Variants in NDUFS4 observed in about 807,000 individuals in gnomAD.
NDUFS4 encodes the protein NADH:ubiquinone oxidoreductase subunit S4.
A neutral mutation model predicts 24.3 loss-of-function variants in NDUFS4; 28 were observed. The observed-to-expected ratio is 1.15, with a 90% CI of 0.85 to 1.58. NDUFS4 has a LOEUF of 1.58. Among genes scored for constraint, NDUFS4 ranks in the 40% most tolerant of loss-of-function variants. The probability of loss-of-function intolerance (pLI) is 0.00; values close to 1 mark genes in which losing one functional copy is unlikely to be tolerated. For missense variants in NDUFS4, 223 were observed against 207.9 expected, an observed-to-expected ratio of 1.07 and a Z score of -0.45; for synonymous variants, 93 against 69.7, an observed-to-expected ratio of 1.34 and a Z score of -1.67.
intron 1 of NDUFS4, among the ~76,000 whole-genome samples, chr5:53,570,550 AGT>A (rs1372379265): frequency 6.6e-6 from 1 of 152,098 alleles, no homozygotes; most frequent in Non-Finnish European, 1.5e-5. Flanking sequence ...GTCATAGCTA[AGT>A]GTATGTTTAA....
intron 3 of NDUFS4, among the ~76,000 whole-genome samples, chr5:53,648,576 T>C (rs1751927395): frequency 6.6e-6 from 1 of 152,212 alleles, no homozygotes; most frequent in South Asian, 2.1e-4. Flanking sequence ...TGGTGGTGCC[T>C]GCATCTGTAA....
Position 53,634,152 on chromosome 5 carries a change from CAT to C in NDUFS4, c.178-12079_178-12078del, listed in dbSNP as rs57699946. Among the ~76,000 whole-genome samples the C allele has an allele frequency of 7.3e-3, 1,108 of 152,288 alleles. 13 individuals carry two copies. Among genetic ancestry groups the C allele is most frequent in the African/African-American group, 0.025 (1,057 of 41,558 alleles). ...AACAACAGAAAGGAAACTTCTGTTG[CAT>C]AGTTTTTTATTCTTATGCTAAATTG... On this transcript the variant is annotated intron_variant, in intron 2 of 4. Transcript: ENST00000296684.
intron 3 of NDUFS4, among the ~76,000 whole-genome samples, chr5:53,657,854 G>A (rs1752208532): frequency 6.6e-6 from 1 of 151,792 alleles, no homozygotes; most frequent in Admixed American, 6.6e-5. Context: ...GAACCTGGGA[G>A]GCAGAGGTTG....
At chr5:53,572,307 T>A (rs549494746) in intron 1 of NDUFS4, among the ~76,000 whole-genome samples, 205 of 152,132 alleles carry the variant, frequency 1.3e-3, no homozygotes, top group Non-Finnish European at 1.9e-3. Context: ...TAGGGAAGGT[T>A]AGATAATCCT....
intron 2 of NDUFS4, among the ~76,000 whole-genome samples, chr5:53,640,145 G>A (rs1172803439): frequency 6.6e-6 from 1 of 151,992 alleles, no homozygotes; most frequent in Non-Finnish European, 1.5e-5. Flanking sequence ...TCCCTTGAGA[G>A]TAGGGGTACT....
At chr5:53,669,237 G>C (rs1177363603) in intron 4 of NDUFS4, among the ~76,000 whole-genome samples, 1 of 152,048 alleles carries the variant, frequency 6.6e-6, no homozygotes, top group East Asian at 1.9e-4. Flanking sequence ...ACATCTTCAA[G>C]AGTCTGTGTT....
intron 4 of NDUFS4, among the ~76,000 whole-genome samples, chr5:53,681,506 T>G (rs1378642197): frequency 6.6e-6 from 1 of 152,124 alleles, no homozygotes; most frequent in Non-Finnish European, 1.5e-5. Context: ...TTTAGTAAAT[T>G]TTTTGAAATG....
At chr5:53,585,109 A>G (rs557057362) in intron 1 of NDUFS4, among the ~76,000 whole-genome samples, 1 of 152,164 alleles carries the variant, frequency 6.6e-6, no homozygotes, top group Non-Finnish European at 1.5e-5. Context: ...TTTTAAAATT[A>G]TGGGATATTA....
Position 53,662,699 on chromosome 5 carries a change from C to G in NDUFS4, c.424+4075C>G, listed in dbSNP as rs542607553. Among the ~76,000 whole-genome samples, 5 of 152,240 alleles carry G rather than the reference C, an allele frequency of 3.3e-5. No homozygotes were observed. In the South Asian group the frequency reaches 1.0e-3, roughly 32 times the overall value. ...CCTGTTATTGGTCTATTTAGAGATT[C>G]AGCTTCTTCCTGGTTTAGCCTTGGG... On this transcript the variant is annotated intron_variant, in intron 4 of 4. Coordinates refer to ENST00000296684, the MANE Select transcript of NDUFS4 (RefSeq NM_002495.4).
intron 2 of NDUFS4, among the ~76,000 whole-genome samples, chr5:53,635,142 A>G (rs1337394244): frequency 2.6e-5 from 4 of 152,040 alleles, no homozygotes; most frequent in Non-Finnish European, 5.9e-5. Flanking sequence ...GTGAGCTGAG[A>G]TCACGCCATT....
intron 4 of NDUFS4, among the ~76,000 whole-genome samples, chr5:53,674,761 T>TGTAA (rs1740401247): frequency 6.6e-6 from 1 of 152,216 alleles, no homozygotes; most frequent in African/African-American, 2.4e-5. Flanking sequence ...TTTGGTTAAT[T>TGTAA]GTAAGTTTAC....
At chr5:53,599,437 C>T (rs74448797) in intron 1 of NDUFS4, among the ~76,000 whole-genome samples, 9,310 of 152,158 alleles carry the variant, frequency 0.061, 382 homozygotes, top group Non-Finnish European at 0.088. Context: ...TTTTTATATA[C>T]TAAAATGTTG....
At chr5:53,622,397 G>C (rs1238418612) in intron 2 of NDUFS4, among the ~76,000 whole-genome samples, 2 of 152,178 alleles carry the variant, frequency 1.3e-5, no homozygotes, top group South Asian at 2.1e-4. Context: ...TTTCTGTTGA[G>C]GGCTGTCTTC....
chr5:53,616,922 A>G (rs962838640), intron 2 of NDUFS4, among the ~76,000 whole-genome samples: 2 of 152,168 alleles, frequency 1.3e-5, no homozygotes, highest in African/African-American at 4.8e-5. Context: ...CGATATAACA[A>G]TTTGGTGATT....
At chr5:53,601,421 AACTTT>A (rs1327207886) in intron 1 of NDUFS4, among the ~76,000 whole-genome samples, 8 of 152,212 alleles carry the variant, frequency 5.3e-5, no homozygotes, top group Non-Finnish European at 1.5e-5. Context: ...ATAAATTAAG[AACTTT>A]ACTTTGGATT....
intron 2 of NDUFS4, among the ~76,000 whole-genome samples, chr5:53,635,259 C>T (rs1489739082): frequency 6.6e-6 from 1 of 151,854 alleles, no homozygotes; most frequent in Non-Finnish European, 1.5e-5. Flanking sequence ...GTGGCTCATG[C>T]CTGTAATCCC....
intron 4 of NDUFS4, among the ~76,000 whole-genome samples, chr5:53,681,783 A>ATAAAG (rs1346294762): frequency 2.0e-5 from 3 of 152,204 alleles, no homozygotes; most frequent in African/African-American, 4.8e-5. Flanking sequence ...TCTCTTATGG[A>ATAAAG]TAAAGTAGAT....
chr5:53,581,048 G>A (rs1371802974), intron 1 of NDUFS4, among the ~76,000 whole-genome samples: 1 of 152,042 alleles, frequency 6.6e-6, no homozygotes, highest in Non-Finnish European at 1.5e-5. Flanking sequence ...GGTCTGGCTG[G>A]TCTTGAGCTC....
chr5:53,630,524 C>T (rs564826806), intron 2 of NDUFS4, among the ~76,000 whole-genome samples: 3 of 152,206 alleles, frequency 2.0e-5, no homozygotes, highest in South Asian at 2.1e-4. Flanking sequence ...ACCAATCAAA[C>T]GTATATTTGG....
Sources: gnomAD v4.1 joint callset for allele counts (sites outside exome capture counted in the v4.1 genomes callset) on GRCh38, gnomAD v4.1.1 for gene constraint, MANE v1.5 for transcripts, NCBI Gene and HGNC (gene_info 2026-07-23, HGNC 2026-07-21) for gene names.